MAGI1: variants seen among roughly 807,000 people sequenced by gnomAD.
MAGI1 encodes the protein membrane associated guanylate kinase, WW and PDZ domain containing 1, also known as membrane-associated guanylate kinase, WW and PDZ domain-containing protein 1.
Under a neutral mutation model 139.9 loss-of-function variants are expected in MAGI1, and 58 were observed. The observed-to-expected ratio is 0.41, with a 90% CI of 0.34 to 0.52. MAGI1 has a LOEUF of 0.52. Among genes scored for constraint, MAGI1 ranks in the 20% least tolerant of loss-of-function variants. MAGI1 has a pLI of 0.12. For missense variants in MAGI1, 1,874 were observed against 1,901.6 expected (o/e 0.99, Z 0.27); for synonymous variants, 812 against 737.9 (o/e 1.10, Z -1.63).
intron 3 of MAGI1, among the ~76,000 whole-genome samples, chr3:65,492,219 C>G (rs1362725842): frequency 6.6e-6 from 1 of 152,204 alleles, no homozygotes; most frequent in Non-Finnish European, 1.5e-5. Context: ...TATCATTACA[C>G]CACTTCTGCC....
chr3:65,993,006 T>C (rs1022993414), intron 1 of MAGI1, among the ~76,000 whole-genome samples: 14 of 151,928 alleles, frequency 9.2e-5, no homozygotes, highest in African/African-American at 3.4e-4. Flanking sequence ...TTTTTAATTA[T>C]TTTTAGTAGA....
intron 1 of MAGI1, among the ~76,000 whole-genome samples, chr3:65,991,262 T>C (rs923347386): frequency 1.4e-5 from 2 of 138,388 alleles, no homozygotes; most frequent in Admixed American, 8.1e-5. Flanking sequence ...CACTCCAGTC[T>C]GGGCGACAGA....
At chr3:65,768,052 T>C (rs901840279) in intron 1 of MAGI1, among the ~76,000 whole-genome samples, 2 of 152,230 alleles carry the variant, frequency 1.3e-5, no homozygotes, top group Non-Finnish European at 1.5e-5. Context: ...TGTTGAAATT[T>C]TGTGTTTTAA....
chr3:65,505,814 T>A (rs551419267), intron 2 of MAGI1, among the ~76,000 whole-genome samples: 1 of 152,140 alleles, frequency 6.6e-6, no homozygotes, highest in Non-Finnish European at 1.5e-5. Flanking sequence ...TTATTATGTA[T>A]AAATTGTGTA....
chr3:65,717,264 G>A (rs1280042003), intron 1 of MAGI1, among the ~76,000 whole-genome samples: 1 of 152,154 alleles, frequency 6.6e-6, no homozygotes, highest in Non-Finnish European at 1.5e-5. Flanking sequence ...GTTCTCAACT[G>A]GGAACAGTTT....
intron 1 of MAGI1, among the ~76,000 whole-genome samples, chr3:65,812,468 T>TCTCTCACACACACACACACACACACACA (rs1176899313): frequency 1.4e-3 from 125 of 89,084 alleles, no homozygotes; most frequent in South Asian, 4.4e-3. Flanking sequence ...TCTCTCTCTC[T>TCTCTCACACACACACACACACACACACA]CACACACACA....
chr3:65,468,757 G>GT (rs796871839), intron 5 of MAGI1, among the ~76,000 whole-genome samples: 2 of 151,710 alleles, frequency 1.3e-5, no homozygotes, highest in African/African-American at 4.8e-5. Flanking sequence ...AATTTTCATT[G>GT]TTTTTTCTAA....
chr3:65,794,591 C>T (rs1181699806), intron 1 of MAGI1, among the ~76,000 whole-genome samples: 2 of 152,086 alleles, frequency 1.3e-5, no homozygotes, highest in African/African-American at 2.4e-5. Flanking sequence ...CCTTTCTGGC[C>T]TAGCCAATGT....
intron 1 of MAGI1, among the ~76,000 whole-genome samples, chr3:65,707,677 G>A (rs2030587520): frequency 7.9e-6 from 1 of 126,332 alleles, no homozygotes; most frequent in African/African-American, 3.1e-5. Flanking sequence ...GTGACAGAGT[G>A]ATACCCTATC....
At position 65,702,880 on chromosome 3, in the gene MAGI1, T is replaced by C. The variant is rs192981895; in HGVS notation, c.314-80792A>G. On this transcript the variant is annotated intron_variant, in intron 1 of 22. Coordinates refer to ENST00000402939, the MANE Select transcript of MAGI1 (RefSeq NM_001033057.2). The stretch of plus-strand genomic sequence containing the variant: ...TAAATAAGCAGCTCCTCCTTTTTAT[T>C]TCCACTCCCAAAAGCTTGGGCTCAG... Among the ~76,000 whole-genome samples, 40 of 152,176 alleles carry C rather than the reference T, an allele frequency of 2.6e-4. No homozygotes were observed. In the East Asian group the frequency reaches 5.8e-3, roughly 22 times the overall value.
At chr3:65,641,961 G>T (rs2085005039) in intron 1 of MAGI1, among the ~76,000 whole-genome samples, 1 of 152,198 alleles carries the variant, frequency 6.6e-6, no homozygotes, top group Non-Finnish European at 1.5e-5. Flanking sequence ...CTGCCAGGCT[G>T]TGATCGATGA....
intron 2 of MAGI1, among the ~76,000 whole-genome samples, chr3:65,527,454 G>C (rs2078438590): frequency 6.6e-6 from 1 of 152,100 alleles, no homozygotes; most frequent in Admixed American, 6.6e-5. Flanking sequence ...GGCCGGGCGT[G>C]GTGGCTCACA....
At chr3:65,671,743 T>G (rs1456201662) in intron 1 of MAGI1, among the ~76,000 whole-genome samples, 1 of 152,138 alleles carries the variant, frequency 6.6e-6, no homozygotes, top group Non-Finnish European at 1.5e-5. Flanking sequence ...AGCTAGACTG[T>G]GTGTCAAACC....
chr3:65,976,485 G>C (rs2065271959), intron 1 of MAGI1, among the ~76,000 whole-genome samples: 1 of 152,034 alleles, frequency 6.6e-6, no homozygotes, highest in African/African-American at 2.4e-5. Flanking sequence ...CAAAAAATTA[G>C]CCAGGTGTGG....
chr3:65,916,802 T>TAC (rs919515937), intron 1 of MAGI1, among the ~76,000 whole-genome samples: 21 of 150,228 alleles, frequency 1.4e-4, no homozygotes, highest in East Asian at 7.9e-4. Flanking sequence ...CACACACACA[T>TAC]ACACACACAC....
intron 1 of MAGI1, among the ~76,000 whole-genome samples, chr3:65,883,120 A>C (rs1008860070): frequency 2.0e-5 from 3 of 152,144 alleles, no homozygotes; most frequent in Admixed American, 2.0e-4. Context: ...TCGTGGCTCA[A>C]GCTGTAGTAA....
intron 1 of MAGI1, among the ~76,000 whole-genome samples, chr3:65,885,272 C>G (rs527386857): frequency 1.3e-5 from 2 of 151,994 alleles, no homozygotes; most frequent in Admixed American, 6.6e-5. Context: ...TGGTGCGCAT[C>G]TGTAATCCCA....
At chr3:65,607,568 C>A (rs1163001707) in intron 2 of MAGI1, among the ~76,000 whole-genome samples, 1 of 152,126 alleles carries the variant, frequency 6.6e-6, no homozygotes, top group Non-Finnish European at 1.5e-5. Context: ...AAAACTGAGT[C>A]TCTGAGAAAC....
intron 1 of MAGI1, among the ~76,000 whole-genome samples, chr3:65,695,184 T>A (rs2089043756): frequency 6.6e-6 from 1 of 151,966 alleles, no homozygotes; most frequent in Admixed American, 6.6e-5. Flanking sequence ...AAAAAGAGGG[T>A]CAGAGAGAAC....
Sources: allele counts gnomAD v4.1 joint callset (sites outside exome capture counted in the v4.1 genomes callset), GRCh38; gene constraint gnomAD v4.1.1; transcripts MANE v1.5; gene names NCBI Gene and HGNC (gene_info 2026-07-23, HGNC 2026-07-21).